Variants in PKNOX2 observed in about 807,000 individuals in gnomAD.
PKNOX2 encodes PBX/knotted 1 homeobox 2.
In PKNOX2, 14 loss-of-function variants were observed where a neutral mutation model predicts 53.1. That is an observed-to-expected ratio of 0.26 (90% confidence interval 0.17 to 0.41). PKNOX2 has a LOEUF of 0.41. Ranked by LOEUF, PKNOX2 falls within the 10% of genes least tolerant of loss-of-function variation. The pLI is 1.00. For synonymous variants in PKNOX2, 257 were observed against 242.8 expected (o/e 1.06, Z -0.54); for missense variants, 496 against 602.8 (o/e 0.82, Z 1.85).
intron 2 of PKNOX2, among the ~76,000 whole-genome samples, chr11:125,280,119 T>A (rs1476642952): frequency 5.8e-4 from 85 of 145,696 alleles, no homozygotes; most frequent in African/African-American, 2.1e-3. Context: ...TTTTTTTTTT[T>A]AACCAGCATG....
intron 1 of PKNOX2, among the ~76,000 whole-genome samples, chr11:125,196,093 ATC>A (rs1477966700): frequency 6.6e-6 from 1 of 151,966 alleles, no homozygotes; most frequent in Non-Finnish European, 1.5e-5. Context: ...GGGCATGGGG[ATC>A]TGTGTCAAGA....
intron 1 of PKNOX2, among the ~76,000 whole-genome samples, chr11:125,223,971 C>A (rs1176440483): frequency 6.6e-6 from 1 of 152,260 alleles, no homozygotes; most frequent in African/African-American, 2.4e-5. Flanking sequence ...AATTTAGCGA[C>A]AAGAAGGGCC....
chr11:125,311,691 A>G (rs750354659), intron 2 of PKNOX2, among the ~76,000 whole-genome samples: 1 of 152,216 alleles, frequency 6.6e-6, no homozygotes, highest in African/African-American at 2.4e-5. Context: ...GTGATTGTAC[A>G]GTGGACTAGG....
Position 125,410,300 on chromosome 11 carries a change from A to C in PKNOX2, c.693A>C (p.Thr231=). The C allele has an allele frequency of 6.2e-7, 1 of 1,613,998 alleles. No individual in the cohort carries two copies. The highest frequency in any genetic ancestry group is 1.7e-5 in the Admixed American group (1 of 60,012). Residue 231 remains threonine, a synonymous_variant, in exon 8 of 13, where the codon ACA becomes ACC. Transcript: ENST00000298282. ...SALQQGNIAM[T]TVNSQVVSGG... ...TCCAGCAGGGCAACATCGCCATGAC[A>C]ACCGTCAACTCACAAGTTGTGTCAG... is the stretch of plus-strand genomic sequence containing the variant.
chr11:125,268,698 T>G (rs1945544176), intron 2 of PKNOX2, among the ~76,000 whole-genome samples: 1 of 152,148 alleles, frequency 6.6e-6, no homozygotes. Context: ...TGGGGCTGTG[T>G]GGGACAGAAG....
chr11:125,428,622 T>A (rs1956546838), intron 10 of PKNOX2, among the ~76,000 whole-genome samples: 1 of 152,172 alleles, frequency 6.6e-6, no homozygotes, highest in African/African-American at 2.4e-5. Context: ...TACCACCTTC[T>A]ATGGGCGTTT....
At chr11:125,242,552 C>T (rs543114649) in intron 2 of PKNOX2, among the ~76,000 whole-genome samples, 1 of 152,228 alleles carries the variant, frequency 6.6e-6, no homozygotes, top group South Asian at 2.1e-4. Flanking sequence ...TTCTGGACTG[C>T]TGCCCAGCTG....
chr11:125,204,872 CTG>C (rs1387021984), intron 1 of PKNOX2, among the ~76,000 whole-genome samples: 4 of 152,190 alleles, frequency 2.6e-5, no homozygotes, highest in African/African-American at 9.7e-5. Context: ...TTAGCAGAGA[CTG>C]TCTGGTGTGA....
intron 6 of PKNOX2, among the ~76,000 whole-genome samples, chr11:125,389,494 CT>C (rs1435393050): frequency 6.6e-6 from 1 of 152,210 alleles, no homozygotes; most frequent in Admixed American, 6.5e-5. Flanking sequence ...GCTGGCTCCC[CT>C]GGGAAAGGCC....
chr11:125,318,761 C>T (rs543034130), intron 2 of PKNOX2, among the ~76,000 whole-genome samples: 3 of 152,280 alleles, frequency 2.0e-5, no homozygotes, highest in African/African-American at 7.2e-5. Context: ...TAATCCCTGC[C>T]TGTTGAGGGA....
At chr11:125,221,103 C>T (rs943516321) in intron 1 of PKNOX2, among the ~76,000 whole-genome samples, 31 of 152,066 alleles carry the variant, frequency 2.0e-4, no homozygotes, top group African/African-American at 6.5e-4. Flanking sequence ...TGCAGTGAGC[C>T]GAGATCGCGC....
At chr11:125,393,034 G>A (rs11220047) in intron 6 of PKNOX2, among the ~76,000 whole-genome samples, 16,622 of 151,768 alleles carry the variant, frequency 0.11, 997 homozygotes, top group Non-Finnish European at 0.14. Flanking sequence ...GCGTGGTGGC[G>A]GGCGTGGTCC....
chr11:125,314,267 C>A (rs1266208486), intron 2 of PKNOX2, among the ~76,000 whole-genome samples: 1 of 152,218 alleles, frequency 6.6e-6, no homozygotes, highest in East Asian at 1.9e-4. Flanking sequence ...TCTCAGAGCA[C>A]CTGCAGTGCG....
intron 1 of PKNOX2, among the ~76,000 whole-genome samples, chr11:125,206,133 G>A (rs964374433): frequency 5.3e-5 from 8 of 151,962 alleles, no homozygotes; most frequent in East Asian, 1.9e-4. Context: ...CTCTGCAGGC[G>A]CACAGACAAA....
intron 6 of PKNOX2, among the ~76,000 whole-genome samples, chr11:125,393,158 CAAAAA>C (rs571335360): frequency 1.4e-5 from 1 of 70,244 alleles, no homozygotes. Context: ...AGACTCGTCT[CAAAAA>C]AAAAAAAAAA....
At chr11:125,394,484 G>C (rs960942196) in intron 6 of PKNOX2, among the ~76,000 whole-genome samples, 1 of 152,108 alleles carries the variant, frequency 6.6e-6, no homozygotes, top group Admixed American at 6.5e-5. Context: ...TTAATTAGTT[G>C]AGCACAATCC....
rs569884881 is a variant in PKNOX2 at position 125,166,785 on chromosome 11, G to A, written c.-201+2009G>A. The stretch of plus-strand genomic sequence containing the variant: ...CCCGGCCTTTGGTGCGCCCGGGGGA[G>A]GAGGAAGCTTGGAGTGCCCTACTGT... On this transcript the variant is annotated intron_variant, in intron 1 of 12. Transcript: ENST00000298282. The surrounding 1 kb of genome is among the most constrained non-coding windows in gnomAD (Gnocchi z 4.0). Among the ~76,000 whole-genome samples, 1 of 152,336 alleles carries A rather than the reference G, an allele frequency of 6.6e-6. No homozygotes were observed. Among genetic ancestry groups the A allele is most frequent in the East Asian group, 1.9e-4 (1 of 5,182 alleles).
intron 1 of PKNOX2, among the ~76,000 whole-genome samples, chr11:125,183,214 T>C (rs1956250495): frequency 1.1e-4 from 3 of 27,328 alleles, no homozygotes; most frequent in Admixed American, 7.9e-4. Flanking sequence ...TTTTTTTTTT[T>C]TTTTTTTTTT....
intron 1 of PKNOX2, among the ~76,000 whole-genome samples, chr11:125,230,413 G>A (rs1358152610): frequency 6.6e-6 from 1 of 152,214 alleles, no homozygotes; most frequent in Non-Finnish European, 1.5e-5. Flanking sequence ...ACAGAGCAGG[G>A]ACTCAGTGAG....
Sources: gnomAD v4.1 joint callset for allele counts (sites outside exome capture counted in the v4.1 genomes callset) on GRCh38, gnomAD v4.1.1 for gene constraint, Gnocchi (gnomAD v3.1) non-coding constraint, MANE v1.5 for transcripts, NCBI Gene and HGNC (gene_info 2026-07-23, HGNC 2026-07-21) for gene names.